CDK12: variants seen among roughly 807,000 people sequenced by gnomAD.
CDK12 encodes the protein cyclin-dependent kinase 12.
A neutral mutation model predicts 133.8 loss-of-function variants in CDK12; 17 were observed. That is an observed-to-expected ratio of 0.13 (90% CI 0.09 to 0.19). The LOEUF is 0.19. Ranked by LOEUF, CDK12 falls within the 10% of genes least tolerant of loss-of-function variation. CDK12 has a pLI of 1.00. For synonymous variants in CDK12, 694 were observed against 683.6 expected (o/e 1.02, Z -0.24); for missense variants, 1,508 against 1,818.7 (o/e 0.83, Z 3.11).
intron 2 of CDK12, among the ~76,000 whole-genome samples, chr17:39,483,324 G>C (rs1315933259): frequency 6.6e-6 from 1 of 151,776 alleles, no homozygotes; most frequent in African/African-American, 2.4e-5. Flanking sequence ...GAGTTCAGTG[G>C]CCTGTGCACA....
intron 3 of CDK12, among the ~76,000 whole-genome samples, chr17:39,560,393 T>C (rs1346743355): frequency 6.6e-6 from 1 of 152,268 alleles, no homozygotes; most frequent in Non-Finnish European, 1.5e-5. Flanking sequence ...ACTTGTTTGC[T>C]GAATGTTTTA....
At chr17:39,534,896 A>G (rs1361172303), downstream of CDK12, 1 of 152,800 alleles carries the variant, frequency 6.5e-6, no homozygotes, top group Non-Finnish European at 1.5e-5. Context: ...ACTGTCATCA[A>G]GGGAAGTTGG....
intron 2 of CDK12, among the ~76,000 whole-genome samples, chr17:39,490,286 G>C (rs574216392): frequency 7.2e-4 from 109 of 151,644 alleles, no homozygotes; most frequent in Non-Finnish European, 1.3e-3. Flanking sequence ...AGAATCACTT[G>C]AACCCAGGAG....
intron 11 of CDK12, among the ~76,000 whole-genome samples, chr17:39,523,711 T>G (rs533640911): frequency 6.6e-6 from 1 of 152,202 alleles, no homozygotes; most frequent in South Asian, 2.1e-4. Flanking sequence ...TGGAGTGCAG[T>G]GGTGTGATCT....
intron 11 of CDK12, among the ~76,000 whole-genome samples, chr17:39,523,941 G>A (rs1249949029): frequency 2.6e-5 from 4 of 152,100 alleles, no homozygotes; most frequent in East Asian, 1.9e-4. Context: ...ATGAGCTGCC[G>A]CGCCCAGCCA....
intron 2 of CDK12, among the ~76,000 whole-genome samples, chr17:39,473,727 A>C (rs964092148): frequency 6.6e-6 from 1 of 152,128 alleles, no homozygotes; most frequent in East Asian, 1.9e-4. Flanking sequence ...TCTACTAAAA[A>C]TACAAAAATT....
intron 13 of CDK12, among the ~76,000 whole-genome samples, chr17:39,529,451 A>G (rs1048022958): frequency 2.6e-5 from 4 of 152,228 alleles, no homozygotes; most frequent in Admixed American, 2.6e-4. Flanking sequence ...GACTATATAT[A>G]TATTTTAAAA....
At position 39,471,587 on chromosome 17, in the gene CDK12, C is replaced by A. The variant is rs773116851; in HGVS notation, c.1755C>A (p.Pro585=). 2 of 1,614,100 alleles carry A rather than the reference C, an allele frequency of 1.2e-6. No homozygotes were observed. The highest frequency in any genetic ancestry group is 1.7e-6 in the Non-Finnish European group (2 of 1,180,016). ...CTGCTTCCAGTACTTCAACTTTGCC[C>A]CCTTCTACTCACTCAAAGACATCTG... ...QVPASSTSTL[P]PSTHSKTSAV... is the part of the protein sequence containing the mutation. Residue 585 remains proline, a synonymous_variant, in exon 2 of 14, where the codon CCC becomes CCA. Transcript: ENST00000447079.
chr17:39,512,212 C>A (rs2053545278), intron 8 of CDK12, among the ~76,000 whole-genome samples: 1 of 152,146 alleles, frequency 6.6e-6, no homozygotes, highest in African/African-American at 2.4e-5. Flanking sequence ...GCCTCAGCCT[C>A]CTGAATAGCT....
intron 7 of CDK12, 134 bp from the exon 8 acceptor site, chr17:39,511,395 G>A: frequency 1.7e-6 from 1 of 595,466 alleles, no homozygotes; most frequent in Admixed American, 2.7e-5. Context: ...TGCTTTTGGA[G>A]TGTTAGGTTG....
At position 39,483,742 on chromosome 17, in the gene CDK12, G is replaced by A. The variant is rs577374924; in HGVS notation, c.1932-6815G>A. On this transcript the variant is annotated intron_variant, in intron 2 of 13. Coordinates refer to ENST00000447079, the MANE Select transcript of CDK12 (RefSeq NM_016507.4). ...TATTTATTTATTTATTTTTTGAGGC[G>A]GATTCTTACTCTCATGATCCGCCTA... Among the ~76,000 whole-genome samples, 22 of 148,682 alleles carry A rather than the reference G, an allele frequency of 1.5e-4. No homozygotes were observed. The South Asian group carries it at 2.3e-3, about 16-fold the overall frequency.
intron 3 of CDK12, among the ~76,000 whole-genome samples, chr17:39,562,871 CTCTCT>C (rs2056422105): frequency 7.3e-6 from 1 of 136,704 alleles, no homozygotes; most frequent in Non-Finnish European, 1.5e-5. Context: ...TTCTCTGTCT[CTCTCT>C]TCTCCTTTTT....
At chr17:39,519,302 T>C in intron 10 of CDK12, among the ~76,000 whole-genome samples, 1 of 125,356 alleles carries the variant, frequency 8.0e-6, no homozygotes, top group East Asian at 2.2e-4. Context: ...CAAAGACTTT[T>C]TTTTTTTTTT....
chr17:39,483,978 G>A (rs1365548674), intron 2 of CDK12, among the ~76,000 whole-genome samples: 1 of 151,986 alleles, frequency 6.6e-6, no homozygotes, highest in Non-Finnish European at 1.5e-5. Flanking sequence ...AAGTGGCTGG[G>A]ATTACAGGCA....
At chr17:39,524,966 G>A in intron 12 of CDK12, 81 bp downstream of exon 12, 1 of 1,229,534 alleles carries the variant, frequency 8.1e-7, no homozygotes, top group Non-Finnish European at 1.1e-6. Context: ...GAGTTTGTGT[G>A]TGTGTCTGTT....
intron 8 of CDK12, among the ~76,000 whole-genome samples, chr17:39,514,238 A>AGAAT (rs2053660785): frequency 6.6e-6 from 1 of 152,032 alleles, no homozygotes; most frequent in South Asian, 2.1e-4. Context: ...AGGGTTTGAG[A>AGAAT]GAATATAGGA....
intron 5 of CDK12, among the ~76,000 whole-genome samples, chr17:39,500,220 A>C (rs1050263412): frequency 1.3e-5 from 2 of 152,186 alleles, no homozygotes; most frequent in African/African-American, 4.8e-5. Flanking sequence ...ATTCCCAGCT[A>C]CATGAGAGGC....
At chr17:39,521,172 G>C (rs568435091) in intron 11 of CDK12, among the ~76,000 whole-genome samples, 1 of 152,042 alleles carries the variant, frequency 6.6e-6, no homozygotes, top group Non-Finnish European at 1.5e-5. Context: ...GTAGAGATGG[G>C]GTTTCACCAT....
exon 1 of CDK12, chr17:39,550,367 C>A (rs1171485796): frequency 6.6e-6 from 1 of 152,230 alleles, no homozygotes; most frequent in Non-Finnish European, 1.5e-5. Context: ...CCCCCAACTG[C>A]CAGGACCTCC....
Sources: gnomAD v4.1 joint callset for allele counts (sites outside exome capture counted in the v4.1 genomes callset) on GRCh38, gnomAD v4.1.1 for gene constraint, MANE v1.5 for transcripts, NCBI Gene and HGNC (gene_info 2026-07-23, HGNC 2026-07-21) for gene names.